The following HERC1 variants were observed in gnomAD, a reference collection of about 807,000 sequenced individuals.
HERC1 encodes the protein HECT and RLD domain containing E3 ubiquitin protein ligase family member 1.
In HERC1, 160 loss-of-function variants were observed where a neutral mutation model predicts 554.3. The ratio of observed to expected loss-of-function variants is 0.29; its 90% confidence interval spans 0.25 to 0.33. HERC1 has a LOEUF of 0.33. Among genes scored for constraint, HERC1 ranks in the 10% least tolerant of loss-of-function variants. The probability of loss-of-function intolerance (pLI) is 1.00; values close to 1 mark genes in which losing one functional copy is unlikely to be tolerated. For synonymous variants in HERC1, 2,175 were observed against 2,131.7 expected (o/e 1.02, Z -0.56); for missense variants, 4,919 against 5,918.5 (o/e 0.83, Z 5.54).
chr15:63,766,087 T>G (rs2142527115), intron 2 of HERC1, among the ~76,000 whole-genome samples: 1 of 152,238 alleles, frequency 6.6e-6, no homozygotes, highest in East Asian at 1.9e-4. Context: ...CCTCCTGGGC[T>G]CAAGTGATCC....
intron 22 of HERC1, among the ~76,000 whole-genome samples, chr15:63,715,601 TACAG>T (rs1189580017): frequency 6.6e-6 from 1 of 152,220 alleles, no homozygotes; most frequent in Non-Finnish European, 1.5e-5. Context: ...AATTGACAGA[TACAG>T]ACAATCTCAA....
intron 31 of HERC1, 118 bp from the exon 32 acceptor site, chr15:63,690,765 T>C: frequency 1.5e-6 from 1 of 647,770 alleles, no homozygotes. Flanking sequence ...CAAACTTGAT[T>C]TCAAACTATT....
chr15:63,816,911 C>T (rs904024019), intron 1 of HERC1, among the ~76,000 whole-genome samples: 1 of 152,048 alleles, frequency 6.6e-6, no homozygotes, highest in Non-Finnish European at 1.5e-5. Flanking sequence ...CACAAAGAGA[C>T]ATAAGACCTT....
At position 63,692,396 on chromosome 15, in the gene HERC1, G is replaced by T. The variant is rs574157179; in HGVS notation, c.5830+15C>A. 4 of 1,580,778 alleles carry T rather than the reference G, an allele frequency of 2.5e-6. No individual in the cohort carries two copies. Among genetic ancestry groups the T allele is most frequent in the Admixed American group, 2.0e-5 (1 of 51,128 alleles). On this transcript the variant is annotated intron_variant, in intron 31 of 77. Coordinates refer to ENST00000443617, the MANE Select transcript of HERC1 (RefSeq NM_003922.4). The surrounding 1 kb of genome is among the most constrained non-coding windows in gnomAD (Gnocchi z 4.7). ...TATCTATAAATACTCTAAGACAAAG[G>T]CAAAGGACATGTACCTGAAGAACAT...
At position 63,813,895 on chromosome 15, in the gene HERC1, C is replaced by T. The variant is rs146993500; in HGVS notation, c.-27+19932G>A. Among the ~76,000 whole-genome samples the T allele has an allele frequency of 5.0e-3, 761 of 152,158 alleles. 7 individuals are homozygous for T. Among genetic ancestry groups the T allele is most frequent in the African/African-American group, 0.018 (731 of 41,518 alleles). ...CCAGCCTGGTGAAACCCCGTCTCTA[C>T]AAAAAATGCAAAAATTAGCAGGGCA... On this transcript the variant is annotated intron_variant, in intron 1 of 77. Transcript: ENST00000443617.
chr15:63,658,554 G>A lies in HERC1; in HGVS notation c.9589C>T (p.Leu3197Phe). The change falls in exon 48 of 78, where the codon CTC (leucine) becomes TTC (phenylalanine). Residue 3197 changes from leucine (L) to phenylalanine (F), a missense_variant. Physicochemically the swap from Leu to Phe is conservative, Grantham distance 22. Around this residue, in one of 11 missense-constraint regions of HERC1, gnomAD observed 1,963 missense variants for 2,228.6 expected, o/e 0.88. Transcript: ENST00000443617. ...TAAAATAACACTTACCTGACTGAGAGAAGAGACAGCGCTCTCATGACCATG... is the reference window on the plus strand; with the variant it reads ...TAAAATAACACTTACCTGACTGAGAAAAGAGACAGCGCTCTCATGACCATG... ...RTMVMRALSLLSVSGSSCSLA... is the reference protein window; with the variant it reads ...RTMVMRALSLFSVSGSSCSLA... 1 of 1,610,502 alleles carries A rather than the reference G, an allele frequency of 6.2e-7. No individual in the cohort carries two copies. The highest frequency in any genetic ancestry group is 8.5e-7 in the Non-Finnish European group (1 of 1,177,734).
Position 63,734,734 on chromosome 15 carries a change from G to C in HERC1, c.2636C>G (p.Ser879Cys). Residue 879 changes from serine (S) to cysteine (C), a missense_variant, in exon 13 of 78, where the codon TCT (serine) becomes TGT (cysteine). Ser to Cys is a moderately radical substitution (Grantham distance 112). This residue lies in a region of HERC1 where 744 missense variants were observed against 1,090.0 expected (regional missense o/e 0.68). Transcript: ENST00000443617. The surrounding 1 kb of genome is among the most constrained non-coding windows in gnomAD (Gnocchi z 4.6). ...CAAGCAAAGGCCTACCTGTCCTTTA[G>C]ATAAGCTTTCCCATCTATCAGGTCC... is the stretch of plus-strand genomic sequence containing the variant. Reference protein sequence around the residue: ...PQGPDRWESLSKGQRMQLDII... With the variant: ...PQGPDRWESLCKGQRMQLDII... 5 of 1,565,316 alleles carry C rather than the reference G, an allele frequency of 3.2e-6. No homozygotes were observed. Among genetic ancestry groups the C allele is most frequent in the Non-Finnish European group, 4.3e-6 (5 of 1,162,120 alleles).
intron 1 of HERC1, among the ~76,000 whole-genome samples, chr15:63,826,806 AAAAAAAAAATATATATATATAT>A (rs2077936058): frequency 1.7e-5 from 1 of 57,990 alleles, no homozygotes; most frequent in Non-Finnish European, 3.6e-5. Context: ...AAAAAAAAAA[AAAAAAAAAATATATATATATAT>A]ATATATATAT....
chr15:63,744,164 G>GTGTGTCTCTCTCTCTCTCTCTCTCTC, intron 12 of HERC1, among the ~76,000 whole-genome samples: 5 of 46,310 alleles, frequency 1.1e-4, no homozygotes, highest in Admixed American at 4.9e-4. Context: ...GTGTGTGTGT[G>GTGTGTCTCTCTCTCTCTCTCTCTCTC]TCTCTCTCTC....
At chr15:63,757,622 T>C (rs1395233065) in intron 4 of HERC1, among the ~76,000 whole-genome samples, 2 of 152,256 alleles carry the variant, frequency 1.3e-5, no homozygotes, top group East Asian at 1.9e-4. Flanking sequence ...TCTGTTGCTA[T>C]TCTTAACACT....
chr15:63,652,153 CCTA>C (rs1416505191), intron 52 of HERC1, among the ~76,000 whole-genome samples: 1 of 152,180 alleles, frequency 6.6e-6, no homozygotes, highest in Non-Finnish European at 1.5e-5. Context: ...AGCAAATTAG[CCTA>C]CTGTTTTACA....
At chr15:63,804,460 C>T (rs2077077124) in intron 1 of HERC1, among the ~76,000 whole-genome samples, 1 of 152,012 alleles carries the variant, frequency 6.6e-6, no homozygotes. Context: ...GTGGCGGGCG[C>T]CTGTCATTCC....
intron 1 of HERC1, among the ~76,000 whole-genome samples, chr15:63,800,328 C>T (rs1287121191): frequency 6.6e-6 from 1 of 152,222 alleles, no homozygotes; most frequent in Non-Finnish European, 1.5e-5. Flanking sequence ...GAACTGACCT[C>T]TCCCCTTGCT....
chr15:63,710,760 G>A (rs542173906), intron 24 of HERC1, among the ~76,000 whole-genome samples: 1 of 152,236 alleles, frequency 6.6e-6, no homozygotes, highest in Non-Finnish European at 1.5e-5. Context: ...TGAAGAAAGA[G>A]AGGGAGTTAG....
In HERC1 at chr15:63,692,523, A is replaced by G; in HGVS notation, c.5718T>C (p.Asp1906=). 2 of 1,612,898 alleles carry G rather than the reference A, an allele frequency of 1.2e-6. No homozygotes were observed. The highest frequency in any genetic ancestry group is 1.7e-4 in the Middle Eastern group (1 of 6,058). ...KQHAAELHLG[D]FLVFLRRVVS... ...CAACTCTGCGAAGAAAAACTAAAAAATCCCCTAGATGGAGTTCGGCTGCAT... is the reference window on the plus strand; with the variant it reads ...CAACTCTGCGAAGAAAAACTAAAAAGTCCCCTAGATGGAGTTCGGCTGCAT... The change falls in exon 31 of 78, where the codon GAT becomes GAC. Residue 1906 remains aspartate, a synonymous_variant. Coordinates refer to ENST00000443617, the MANE Select transcript of HERC1 (RefSeq NM_003922.4). The surrounding 1 kb of genome is among the most constrained non-coding windows in gnomAD (Gnocchi z 4.7).
Position 63,678,103 on chromosome 15 carries a change from TCTCTCATTTCATTTTC to T in HERC1, c.6796_6811del (p.Glu2266ArgfsTer26). 1 of 1,613,968 alleles carries T rather than the reference TCTCTCATTTCATTTTC, an allele frequency of 6.2e-7. No individual in the cohort carries two copies. The highest frequency in any genetic ancestry group is 8.5e-7 in the Non-Finnish European group (1 of 1,179,880). On this transcript the variant is annotated frameshift_variant, in exon 37 of 78. Transcript: ENST00000443617. LOFTEE classifies it high-confidence loss of function. ...CTCTTCCTCTTTGCTCTCCTTCTCC[TCTCTCATTTCATTTTC>T]CTCTCGGCTCTGAACCGAGCGGCTT...
intron 2 of HERC1, among the ~76,000 whole-genome samples, chr15:63,770,475 G>A (rs1313014996): frequency 6.6e-6 from 1 of 152,170 alleles, no homozygotes; most frequent in East Asian, 1.9e-4. Flanking sequence ...GTGCCTAGCA[G>A]TATCTGGCAC....
In HERC1 at chr15:63,609,253, A is replaced by G; in HGVS notation, c.14414T>C (p.Leu4805Pro). 1 of 1,612,168 alleles carries G rather than the reference A, an allele frequency of 6.2e-7. No homozygotes were observed. The highest frequency in any genetic ancestry group is 8.5e-7 in the Non-Finnish European group (1 of 1,179,158). ...IMKVDRPYDS[L>P]PTSQTCFFQL... Reference sequence around the variant, plus strand: ...GAAGAAGCAGGTCTGTGAGGTAGGCAGACTGTCGTAAGGCTGTGGAGAGAG... The same window carrying G: ...GAAGAAGCAGGTCTGTGAGGTAGGCGGACTGTCGTAAGGCTGTGGAGAGAG... The change falls in exon 78 of 78, where the codon CTG becomes CCG. Residue 4805 changes from leucine (L) to proline (P), a missense_variant. Physicochemically the swap from Leu to Pro is moderately conservative, Grantham distance 98. Coordinates refer to ENST00000443617, the MANE Select transcript of HERC1 (RefSeq NM_003922.4).
At chr15:63,742,178 C>T (rs7164301) in intron 12 of HERC1, among the ~76,000 whole-genome samples, 123,608 of 152,196 alleles carry the variant, frequency 0.81, 52,062 homozygotes, top group Non-Finnish European at 0.87. Context: ...TGTTTTGTTC[C>T]TTCAGTGTAC....
Sources: gnomAD v4.1 joint callset for allele counts (sites outside exome capture counted in the v4.1 genomes callset) on GRCh38, gnomAD v4.1.1 for gene constraint, gnomAD v4.1.1 regional missense constraint, Gnocchi (gnomAD v3.1) non-coding constraint, MANE v1.5 for transcripts, NCBI Gene and HGNC (gene_info 2026-07-23, HGNC 2026-07-21) for gene names.